BBOF1: variants seen among roughly 807,000 people sequenced by gnomAD.
The protein encoded by BBOF1 is basal body-orientation factor 1.
In BBOF1, 62 loss-of-function variants were observed where a neutral mutation model predicts 68.0. That is an observed-to-expected ratio of 0.91 (90% CI 0.74 to 1.13). The LOEUF is 1.13. Ranked by LOEUF, BBOF1 falls within the 50% of genes most tolerant of loss-of-function variation. The probability of loss-of-function intolerance (pLI) is 0.00; values close to 1 mark genes in which losing one functional copy is unlikely to be tolerated. For synonymous variants in BBOF1, 208 were observed against 198.8 expected (o/e 1.05, Z -0.39); for missense variants, 534 against 600.1 (o/e 0.89, Z 1.15).
intron 3 of BBOF1, among the ~76,000 whole-genome samples, chr14:74,031,527 A>C (rs979325366): frequency 6.6e-6 from 1 of 152,144 alleles, no homozygotes; most frequent in African/African-American, 2.4e-5. Context: ...TGAGGTGCTC[A>C]AACAACAAAC....
At chr14:74,072,557 A>G (rs1566834016) in intron 9 of BBOF1, 1 of 1,614,154 alleles carries the variant, frequency 6.2e-7, no homozygotes, top group Admixed American at 1.7e-5. Context: ...ATATCGATCC[A>G]TTTGTCACTT....
Position 74,022,992 on chromosome 14 carries a change from G to A in BBOF1, c.133G>A (p.Val45Ile). The A allele has an allele frequency of 1.2e-6, 2 of 1,613,252 alleles. No homozygotes were observed. Among genetic ancestry groups the A allele is most frequent in the Non-Finnish European group, 1.7e-6 (2 of 1,179,598 alleles). Reference sequence around the variant, plus strand: ...CTCCCTTTGGGAGGCCAGGTTGGAAGTCACAGAACTCTCTAGGATTAAGTA... The same window carrying A: ...CTCCCTTTGGGAGGCCAGGTTGGAAATCACAGAACTCTCTAGGATTAAGTA... ...NASLWEARLE[V>I]TELSRIKYRD... Residue 45 changes from valine to isoleucine, a missense_variant, in exon 2 of 12, where the codon GTC (valine) becomes ATC (isoleucine). Physicochemically the swap from Val to Ile is conservative, Grantham distance 29. Transcript: ENST00000394009.
intron 11 of BBOF1, among the ~76,000 whole-genome samples, chr14:74,062,069 A>G (rs2060356817): frequency 6.9e-6 from 1 of 144,082 alleles, no homozygotes; most frequent in African/African-American, 2.7e-5. Context: ...AAAAAAAAAA[A>G]AAAAAAAAAA....
At chr14:74,075,696 A>T (rs2060605416) in intron 9 of BBOF1, among the ~76,000 whole-genome samples, 1 of 152,122 alleles carries the variant, frequency 6.6e-6, no homozygotes, top group Non-Finnish European at 1.5e-5. Context: ...TAAGTAATAG[A>T]GTATATAATC....
chr14:74,067,997 TA>T (rs35503985), downstream of BBOF1, among the ~76,000 whole-genome samples: 955 of 132,914 alleles, frequency 7.2e-3, 4 homozygotes, highest in African/African-American at 0.017. Flanking sequence ...AGAGCAATGT[TA>T]AAAAAAAAAA....
intron 9 of BBOF1, among the ~76,000 whole-genome samples, chr14:74,074,247 G>T (rs2060586269): frequency 6.6e-6 from 1 of 151,354 alleles, no homozygotes; most frequent in Non-Finnish European, 1.5e-5. Context: ...AAAGTGCTGG[G>T]ATTACAGGGG....
intron 10 of BBOF1, among the ~76,000 whole-genome samples, chr14:74,080,154 T>G (rs763972512): frequency 2.6e-5 from 4 of 152,184 alleles, no homozygotes; most frequent in Non-Finnish European, 4.4e-5. Context: ...CTTAACAAGT[T>G]GCCAAAGGAG....
chr14:74,032,536 C>G (rs1272465090), intron 3 of BBOF1, among the ~76,000 whole-genome samples: 1 of 151,006 alleles, frequency 6.6e-6, no homozygotes, highest in Admixed American at 6.6e-5. Context: ...CTCTGTCACC[C>G]AGGCTGGAGT....
intron 11 of BBOF1, chr14:74,081,154 C>G (rs919905006): frequency 4.6e-5 from 7 of 152,162 alleles, no homozygotes; most frequent in African/African-American, 1.7e-4. Flanking sequence ...ATAAAGCACC[C>G]AAATTCCTTT....
intron 5 of BBOF1, chr14:74,040,892 G>A: frequency 2.1e-6 from 1 of 479,190 alleles, no homozygotes; most frequent in East Asian, 3.4e-5. Flanking sequence ...GTCTCCCTCA[G>A]CTTGATACTC....
intron 3 of BBOF1, among the ~76,000 whole-genome samples, chr14:74,030,712 GTC>G (rs1206019525): frequency 6.6e-6 from 1 of 151,850 alleles, no homozygotes; most frequent in Non-Finnish European, 1.5e-5. Flanking sequence ...AGCCAGGATG[GTC>G]TCTCGATCTC....
chr14:74,029,080 T>C, intron 2 of BBOF1, 104 bp from the exon 3 acceptor site: 1 of 681,676 alleles, frequency 1.5e-6, no homozygotes, highest in Non-Finnish European at 2.5e-6. Context: ...ACTCACCTCT[T>C]TTGCCATATT....
chr14:74,033,849 G>A (rs535148940), intron 3 of BBOF1, among the ~76,000 whole-genome samples, 179 bp from the exon 4 acceptor site: 2 of 151,934 alleles, frequency 1.3e-5, no homozygotes, highest in South Asian at 2.1e-4. Context: ...CTGGGCGACA[G>A]AGCAAGACTC....
At chr14:74,078,089 TA>T (rs1402131305) in intron 9 of BBOF1, 1 of 421,294 alleles carries the variant, frequency 2.4e-6, no homozygotes, top group Non-Finnish European at 4.7e-6. Flanking sequence ...AATAAACACT[TA>T]TTGTTTATTT....
At chr14:74,061,788 TATAG>T (rs902206564) in intron 11 of BBOF1, among the ~76,000 whole-genome samples, 1 of 152,232 alleles carries the variant, frequency 6.6e-6, no homozygotes, top group Non-Finnish European at 1.5e-5. Flanking sequence ...TCTCTCTATA[TATAG>T]ATATAGTTTA....
chr14:74,045,822 T>C (rs918796184), intron 5 of BBOF1, among the ~76,000 whole-genome samples: 1 of 152,158 alleles, frequency 6.6e-6, no homozygotes, highest in East Asian at 1.9e-4. Context: ...CAACATGGAA[T>C]TGAATTTTCT....
At chr14:74,082,393 GTTTTTTTTTTT>G (rs869211328) in intron 12 of BBOF1, among the ~76,000 whole-genome samples, 14 of 77,568 alleles carry the variant, frequency 1.8e-4, no homozygotes, top group African/African-American at 4.2e-4. Flanking sequence ...CAAAATCGAG[GTTTTTTTTTTT>G]TTTTTTTTTT....
intron 9 of BBOF1, among the ~76,000 whole-genome samples, chr14:74,075,584 G>A (rs1409170134): frequency 1.4e-4 from 22 of 152,022 alleles, no homozygotes; most frequent in Admixed American, 1.4e-3. Flanking sequence ...TTCAGCCCGG[G>A]AGGGTGAGGC....
At chr14:74,033,950 G>T (rs966961659) in intron 3 of BBOF1, 78 bp from the exon 4 acceptor site, 1 of 1,126,028 alleles carries the variant, frequency 8.9e-7, no homozygotes, top group Admixed American at 2.7e-5. Context: ...TGCAAATGGC[G>T]TAAGGCTTCA....
Sources: gnomAD v4.1 joint callset for allele counts (sites outside exome capture counted in the v4.1 genomes callset) on GRCh38, gnomAD v4.1.1 for gene constraint, MANE v1.5 for transcripts, NCBI Gene and HGNC (gene_info 2026-07-23, HGNC 2026-07-21) for gene names.